SLC4A10: variants seen among roughly 807,000 people sequenced by gnomAD.
SLC4A10 encodes solute carrier family 4 member 10, also known as sodium-driven chloride bicarbonate exchanger.
SLC4A10 carries 42 observed loss-of-function variants against 137.7 expected under a neutral mutation model. The ratio of observed to expected loss-of-function variants is 0.30; its 90% CI spans 0.24 to 0.39. The LOEUF is 0.39. SLC4A10 is among the 10% of genes least tolerant of loss of function. The probability of loss-of-function intolerance (pLI) is 1.00; values close to 1 mark genes in which losing one functional copy is unlikely to be tolerated. For synonymous variants in SLC4A10, 474 were observed against 464.1 expected, an observed-to-expected ratio of 1.02 and a Z score of -0.27; for missense variants, 925 against 1,355.0, an observed-to-expected ratio of 0.68 and a Z score of 4.98.
intron 1 of SLC4A10, among the ~76,000 whole-genome samples, chr2:161,768,609 AC>A (rs945822348): frequency 4.6e-5 from 7 of 152,086 alleles, no homozygotes; most frequent in African/African-American, 1.7e-4. Context: ...TTGTTTACTG[AC>A]CTAGAACCTG....
chr2:161,781,941 G>C (rs893099947), intron 2 of SLC4A10, among the ~76,000 whole-genome samples: 3 of 152,172 alleles, frequency 2.0e-5, no homozygotes, highest in African/African-American at 7.2e-5. Flanking sequence ...GCTTCTCCCA[G>C]AGGAGGTTTG....
At chr2:161,965,028 A>C (rs1413861793) in intron 22 of SLC4A10, 23 bp from the exon 23 acceptor site, 1 of 1,599,264 alleles carries the variant, frequency 6.3e-7, no homozygotes, top group African/African-American at 1.3e-5. Flanking sequence ...TTCCACTTTA[A>C]ACTAGTTTAT....
chr2:161,835,366 C>G (rs2058700927), intron 3 of SLC4A10, among the ~76,000 whole-genome samples: 1 of 152,082 alleles, frequency 6.6e-6, no homozygotes, highest in East Asian at 1.9e-4. Context: ...CCAAATCATG[C>G]ATTATTTTCC....
chr2:161,808,920 G>A (rs1000018266), intron 3 of SLC4A10, among the ~76,000 whole-genome samples: 2 of 152,170 alleles, frequency 1.3e-5, no homozygotes, highest in Non-Finnish European at 2.9e-5. Context: ...TTTTCTTTGA[G>A]TATATACCCA....
intron 2 of SLC4A10, among the ~76,000 whole-genome samples, chr2:161,804,055 CAG>C (rs1468850748): frequency 6.6e-6 from 1 of 151,950 alleles, no homozygotes; most frequent in Non-Finnish European, 1.5e-5. Flanking sequence ...TTATTAGAGA[CAG>C]TGATTTTTTA....
At chr2:161,760,809 T>C (rs2050176491) in intron 1 of SLC4A10, among the ~76,000 whole-genome samples, 1 of 151,972 alleles carries the variant, frequency 6.6e-6, no homozygotes, top group Non-Finnish European at 1.5e-5. Flanking sequence ...GATGGAACCG[T>C]GTCCTAATGG....
At chr2:161,914,212 T>C (rs1024500545) in intron 15 of SLC4A10, among the ~76,000 whole-genome samples, 1 of 152,202 alleles carries the variant, frequency 6.6e-6, no homozygotes, top group Non-Finnish European at 1.5e-5. Context: ...CATTTTACAT[T>C]TATTATTTAA....
chr2:161,701,218 C>A (rs77520256), intron 1 of SLC4A10, among the ~76,000 whole-genome samples: 2,873 of 151,994 alleles, frequency 0.019, 86 homozygotes, highest in African/African-American at 0.066. Context: ...GTCCTTTTGA[C>A]AAATAAAGGG....
chr2:161,882,334 A>AT (rs764952065), intron 9 of SLC4A10, 23 bp from the exon 10 acceptor site: 45 of 1,416,748 alleles, frequency 3.2e-5, no homozygotes, highest in South Asian at 8.2e-5. Flanking sequence ...ACCTTAAAAC[A>AT]TTTTTTTTCT....
chr2:161,934,992 C>CA (rs968484036), intron 15 of SLC4A10, among the ~76,000 whole-genome samples: 11 of 150,694 alleles, frequency 7.3e-5, no homozygotes, highest in African/African-American at 1.2e-4. Flanking sequence ...GGGTTAAATC[C>CA]AAAAAAAAAT....
At chr2:161,723,135 G>A (rs1401736930) in intron 1 of SLC4A10, among the ~76,000 whole-genome samples, 1 of 152,140 alleles carries the variant, frequency 6.6e-6, no homozygotes, top group Non-Finnish European at 1.5e-5. Context: ...TGAGCCTGCC[G>A]AGAGTCCTCA....
chr2:161,683,701 G>A (rs971932036), intron 1 of SLC4A10, among the ~76,000 whole-genome samples: 1 of 152,148 alleles, frequency 6.6e-6, no homozygotes, highest in Non-Finnish European at 1.5e-5. Flanking sequence ...TAGACTGAAA[G>A]AGGAGTAATA....
intron 1 of SLC4A10, among the ~76,000 whole-genome samples, chr2:161,717,843 T>C (rs2045112445): frequency 1.3e-5 from 2 of 152,152 alleles, no homozygotes; most frequent in Admixed American, 6.5e-5. Flanking sequence ...TTTCCAATTG[T>C]TTGGAATAGT....
At chr2:161,979,989 A>T (rs1268914510) in intron 26 of SLC4A10, among the ~76,000 whole-genome samples, 1 of 152,228 alleles carries the variant, frequency 6.6e-6, no homozygotes, top group Non-Finnish European at 1.5e-5. Context: ...ATTCTGTCTT[A>T]TCTGGAGGAT....
chr2:161,665,628 G>C (rs2105745676), intron 1 of SLC4A10, among the ~76,000 whole-genome samples: 1 of 151,590 alleles, frequency 6.6e-6, no homozygotes, highest in East Asian at 1.9e-4. Flanking sequence ...TCTCAAAAAT[G>C]GCCAAATCTT....
At chr2:161,849,913 A>T (rs2059728999) in intron 4 of SLC4A10, among the ~76,000 whole-genome samples, 1 of 152,106 alleles carries the variant, frequency 6.6e-6, no homozygotes, top group Non-Finnish European at 1.5e-5. Context: ...GCCTCATAGA[A>T]TGAATTGGAC....
intron 2 of SLC4A10, among the ~76,000 whole-genome samples, chr2:161,774,821 T>C (rs769883004): frequency 4.6e-5 from 7 of 152,004 alleles, no homozygotes; most frequent in African/African-American, 7.2e-5. Flanking sequence ...AGTGTTGTTA[T>C]TGCTGACAGT....
intron 26 of SLC4A10, among the ~76,000 whole-genome samples, chr2:161,979,793 C>G (rs1327640602): frequency 2.6e-5 from 4 of 152,170 alleles, no homozygotes; most frequent in Non-Finnish European, 2.9e-5. Context: ...ACCCATGCAG[C>G]CTTTGACACC....
At chr2:161,879,551 T>TTA (rs1453489071) in intron 9 of SLC4A10, among the ~76,000 whole-genome samples, 6 of 151,358 alleles carry the variant, frequency 4.0e-5, no homozygotes, top group African/African-American at 1.5e-4. Flanking sequence ...GAATCCTTTT[T>TTA]TTTTTTTTTT....
Sources: gnomAD v4.1 joint callset for allele counts (sites outside exome capture counted in the v4.1 genomes callset) on GRCh38, gnomAD v4.1.1 for gene constraint, MANE v1.5 for transcripts, NCBI Gene and HGNC (gene_info 2026-07-23, HGNC 2026-07-21) for gene names.